MYLK4: variants seen among roughly 807,000 people sequenced by gnomAD.
MYLK4 encodes myosin light chain kinase family member 4.
In MYLK4, 46 loss-of-function variants were observed where a neutral mutation model predicts 48.1. That is an observed-to-expected ratio of 0.96 (90% CI 0.75 to 1.22). The LOEUF is 1.22. Among genes scored for constraint, MYLK4 ranks in the 50% most tolerant of loss-of-function variants. MYLK4 has a pLI of 0.00. For synonymous variants in MYLK4, 170 were observed against 180.8 expected (o/e 0.94, Z 0.48); for missense variants, 451 against 486.1 (o/e 0.93, Z 0.68).
the MYLK4 span, among the ~76,000 whole-genome samples, chr6:2,767,099 T>C: frequency 2.0e-5 from 3 of 152,236 alleles, no homozygotes; most frequent in Admixed American, 2.0e-4. Flanking sequence ...TGCCTTGTAC[T>C]CTAGAGAAGA....
intron 2 of MYLK4, among the ~76,000 whole-genome samples, chr6:2,717,970 T>C (rs6929240): frequency 0.82 from 124,907 of 152,008 alleles, 51,687 homozygotes; most frequent in South Asian, 0.88. Flanking sequence ...CACCTGAGGT[T>C]GGGAGTTCGA....
chr6:2,692,607 A>G (rs534790748), intron 3 of MYLK4, among the ~76,000 whole-genome samples, 177 bp downstream of exon 3: 1 of 133,646 alleles, frequency 7.5e-6, no homozygotes, highest in African/African-American at 2.8e-5. Context: ...CTTGTTTGTA[A>G]CTAGTAAGAC....
At chr6:2,719,251 C>G (rs1015320341) in intron 2 of MYLK4, among the ~76,000 whole-genome samples, 2 of 152,162 alleles carry the variant, frequency 1.3e-5, no homozygotes, top group African/African-American at 4.8e-5. Flanking sequence ...TCATAAAGAC[C>G]AGTACATTGA....
Position 2,710,850 on chromosome 6 carries a change from T to C in MYLK4, c.160-17991A>G, listed in dbSNP as rs537206548. On this transcript the variant is annotated intron_variant, in intron 2 of 12. Coordinates refer to ENST00000274643, the MANE Select transcript of MYLK4 (RefSeq NM_001012418.5). ...CTGAACAGGATGAAGGGCTGTGTCA[T>C]AGCACAGACTGTCTTACAGTAGCTT... 4.7e-4 allele frequency among the ~76,000 whole-genome samples: 71 copies of C among 152,370 alleles called. 2 individuals are homozygous for C. In the South Asian group the frequency reaches 0.014, roughly 30 times the overall value.
the MYLK4 span, among the ~76,000 whole-genome samples, chr6:2,757,382 A>G: frequency 6.6e-6 from 1 of 152,180 alleles, no homozygotes; most frequent in East Asian, 1.9e-4. Context: ...GCAGATAGGC[A>G]GCCTTGTATA....
chr6:2,765,703 G>A, the MYLK4 span: 3 of 1,546,452 alleles, frequency 1.9e-6, no homozygotes, highest in Admixed American at 1.8e-5. Context: ...AGCAGATGAT[G>A]CCCGCCGCGC....
chr6:2,713,637 T>C (rs1241904736), intron 2 of MYLK4, among the ~76,000 whole-genome samples: 3 of 152,176 alleles, frequency 2.0e-5, no homozygotes, highest in Non-Finnish European at 4.4e-5. Flanking sequence ...AAAGCTGCCC[T>C]GGTATTACGT....
At chr6:2,724,978 C>G (rs1004252996) in intron 2 of MYLK4, among the ~76,000 whole-genome samples, 1 of 152,138 alleles carries the variant, frequency 6.6e-6, no homozygotes, top group African/African-American at 2.4e-5. Context: ...TGATGAAACT[C>G]CGTCTCTACT....
At chr6:2,708,983 G>T (rs1307147872) in intron 2 of MYLK4, among the ~76,000 whole-genome samples, 1 of 152,120 alleles carries the variant, frequency 6.6e-6, no homozygotes, top group African/African-American at 2.4e-5. Context: ...GAATGATCAT[G>T]GTTGCTATGG....
chr6:2,684,176 C>G (rs745969175), intron 6 of MYLK4, among the ~76,000 whole-genome samples: 35 of 152,268 alleles, frequency 2.3e-4, no homozygotes, highest in Non-Finnish European at 4.7e-4. Flanking sequence ...GTTCCGTGAA[C>G]ACAAGCATGG....
chr6:2,678,864 C>G (rs1260189867), intron 9 of MYLK4, among the ~76,000 whole-genome samples: 1 of 151,954 alleles, frequency 6.6e-6, no homozygotes, highest in Non-Finnish European at 1.5e-5. Context: ...CCACCACGCA[C>G]GGCTGATTTT....
chr6:2,703,947 G>A (rs1292931899), intron 2 of MYLK4, among the ~76,000 whole-genome samples: 2 of 152,118 alleles, frequency 1.3e-5, no homozygotes. Context: ...GGGATTACAG[G>A]CGAATTCTTT....
chr6:2,688,338 C>T lies in MYLK4; in HGVS notation c.341+513G>A, dbSNP rs368843205. On this transcript the variant is annotated intron_variant, in intron 4 of 12. Coordinates refer to ENST00000274643, the MANE Select transcript of MYLK4 (RefSeq NM_001012418.5). Reference sequence around the variant, plus strand: ...TTTCCCAAAGTGCTGGGATTACAGGCGTGAGCCACCGCGCAAGGCCTTTAA... The same window carrying T: ...TTTCCCAAAGTGCTGGGATTACAGGTGTGAGCCACCGCGCAAGGCCTTTAA... Among the ~76,000 whole-genome samples the T allele has an allele frequency of 5.9e-5, 9 of 152,308 alleles. No individual in the cohort carries two copies. In the South Asian group the frequency reaches 1.4e-3, roughly 25 times the overall value.
At chr6:2,763,048 TTC>T in the MYLK4 span, among the ~76,000 whole-genome samples, 1 of 152,236 alleles carries the variant, frequency 6.6e-6, no homozygotes, top group Admixed American at 6.5e-5. Context: ...CCTGCTTTTA[TTC>T]TCTCATCTGG....
At chr6:2,747,281 T>A (rs1764130096) in intron 2 of MYLK4, among the ~76,000 whole-genome samples, 1 of 152,204 alleles carries the variant, frequency 6.6e-6, no homozygotes, top group South Asian at 2.1e-4. Flanking sequence ...AACTTCTGGA[T>A]GTAGTTGGCT....
At chr6:2,698,773 T>A (rs1204959409) in intron 2 of MYLK4, among the ~76,000 whole-genome samples, 1 of 152,202 alleles carries the variant, frequency 6.6e-6, no homozygotes, top group Non-Finnish European at 1.5e-5. Context: ...GTAAAGCAAA[T>A]CTATTTCCCT....
upstream of MYLK4, among the ~76,000 whole-genome samples, chr6:2,752,785 G>A (rs1317205857): frequency 6.6e-6 from 1 of 152,190 alleles, no homozygotes; most frequent in African/African-American, 2.4e-5. Flanking sequence ...TGACTAGATA[G>A]AATGATCTTT....
intron 2 of MYLK4, among the ~76,000 whole-genome samples, chr6:2,740,678 T>C (rs1394110774): frequency 1.3e-5 from 2 of 152,222 alleles, no homozygotes; most frequent in Non-Finnish European, 1.5e-5. Flanking sequence ...CTCTGCTTTC[T>C]GGTAGGAACT....
intron 2 of MYLK4, among the ~76,000 whole-genome samples, chr6:2,722,460 TTATAA>T (rs1394933845): frequency 6.6e-6 from 1 of 150,868 alleles, no homozygotes; most frequent in East Asian, 1.9e-4. Flanking sequence ...TAACCAAAAA[TTATAA>T]TATAACTATG....
Sources: gnomAD v4.1 joint callset for allele counts (sites outside exome capture counted in the v4.1 genomes callset) on GRCh38, gnomAD v4.1.1 for gene constraint, MANE v1.5 for transcripts, NCBI Gene and HGNC (gene_info 2026-07-23, HGNC 2026-07-21) for gene names.